CRADD: variants seen among roughly 807,000 people sequenced by gnomAD.
The protein encoded by CRADD is CARD and death domain containing adaptor protein, also known as death domain-containing protein CRADD.
CRADD carries 9 observed loss-of-function variants against 15.5 expected under a neutral mutation model. That is an observed-to-expected ratio of 0.58 (90% CI 0.35 to 1.01). The LOEUF (loss-of-function observed/expected upper bound fraction) is 1.01. Ranked by LOEUF, CRADD falls within the 50% of genes least tolerant of loss-of-function variation. The pLI, the probability that CRADD is intolerant of heterozygous loss-of-function variation, is 0.02. For missense variants in CRADD, 227 were observed against 250.3 expected, an observed-to-expected ratio of 0.91 and a Z score of 0.63; for synonymous variants, 118 against 107.6, an observed-to-expected ratio of 1.10 and a Z score of -0.60.
At chr12:93,767,788 C>T (rs942066604) in intron 2 of CRADD, among the ~76,000 whole-genome samples, 1 of 152,176 alleles carries the variant, frequency 6.6e-6, no homozygotes, top group African/African-American at 2.4e-5. Context: ...AGCAGTATAC[C>T]ACAGAATGCT....
intron 2 of CRADD, among the ~76,000 whole-genome samples, chr12:93,701,653 GA>G (rs764909525): frequency 6.6e-5 from 10 of 152,228 alleles, no homozygotes; most frequent in Admixed American, 3.3e-4. Context: ...TTACTGCTTT[GA>G]AGATTCCAAA....
At chr12:93,758,248 A>G (rs946331219) in intron 2 of CRADD, among the ~76,000 whole-genome samples, 3 of 152,344 alleles carry the variant, frequency 2.0e-5, no homozygotes, top group Non-Finnish European at 2.9e-5. Flanking sequence ...TTTAGAATCT[A>G]TTCCAAAGAT....
chr12:93,711,732 A>T (rs191217365), intron 2 of CRADD, among the ~76,000 whole-genome samples: 13 of 146,602 alleles, frequency 8.9e-5, no homozygotes, highest in Non-Finnish European at 1.9e-4. Context: ...GACCTCATAA[A>T]AACCTTTTGT....
intron 2 of CRADD, among the ~76,000 whole-genome samples, chr12:93,758,701 T>C (rs1224489545): frequency 6.6e-6 from 1 of 152,144 alleles, no homozygotes; most frequent in Non-Finnish European, 1.5e-5. Context: ...GCTTTGTTAT[T>C]AGCTTGATTT....
chr12:93,689,816 G>T (rs1444593881), intron 2 of CRADD, among the ~76,000 whole-genome samples: 1 of 152,204 alleles, frequency 6.6e-6, no homozygotes, highest in East Asian at 1.9e-4. Context: ...AGTAGTAATG[G>T]TGAAGTTGCT....
chr12:93,846,232 T>A (rs1472372084), intron 2 of CRADD, among the ~76,000 whole-genome samples: 3 of 152,228 alleles, frequency 2.0e-5, no homozygotes, highest in Non-Finnish European at 4.4e-5. Flanking sequence ...ATAACGCTGC[T>A]ATGAACATAG....
downstream of CRADD, among the ~76,000 whole-genome samples, chr12:93,854,826 C>T (rs1054354433): frequency 2.0e-5 from 3 of 152,166 alleles, no homozygotes; most frequent in South Asian, 2.1e-4. Flanking sequence ...GAAGTGGAAT[C>T]GCCGGGCTTA....
chr12:93,839,070 G>A (rs1043264943), intron 2 of CRADD, among the ~76,000 whole-genome samples: 6 of 152,008 alleles, frequency 3.9e-5, no homozygotes, highest in Admixed American at 1.3e-4. Flanking sequence ...ATGGGTGCCC[G>A]GCCTGGACAT....
chr12:93,762,760 C>CT (rs35217103), intron 2 of CRADD, among the ~76,000 whole-genome samples: 73 of 147,904 alleles, frequency 4.9e-4, no homozygotes, highest in East Asian at 1.6e-3. Context: ...CAGTATCAAA[C>CT]TTTTTTTTTT....
intron 2 of CRADD, among the ~76,000 whole-genome samples, chr12:93,692,438 C>CA (rs991371414): frequency 6.6e-6 from 1 of 151,924 alleles, no homozygotes; most frequent in African/African-American, 2.4e-5. Context: ...ATTAAACTGT[C>CA]AAAAAACAAA....
At chr12:93,826,142 C>G (rs930904478) in intron 2 of CRADD, among the ~76,000 whole-genome samples, 5 of 152,216 alleles carry the variant, frequency 3.3e-5, no homozygotes, top group Non-Finnish European at 5.9e-5. Context: ...ATCTGTTGCA[C>G]AGATTTTTAA....
At chr12:93,812,418 T>C (rs1957638628) in intron 2 of CRADD, among the ~76,000 whole-genome samples, 1 of 151,736 alleles carries the variant, frequency 6.6e-6, no homozygotes, top group Non-Finnish European at 1.5e-5. Context: ...AAAAAATTCA[T>C]AATCCTAGCA....
intron 2 of CRADD, among the ~76,000 whole-genome samples, chr12:93,692,746 A>G (rs1244436696): frequency 6.6e-6 from 1 of 152,210 alleles, no homozygotes; most frequent in Non-Finnish European, 1.5e-5. Context: ...AGTGGAAAGA[A>G]ATGGAAGGTT....
chr12:93,692,599 A>T (rs1392467485), intron 2 of CRADD, among the ~76,000 whole-genome samples: 2 of 152,190 alleles, frequency 1.3e-5, no homozygotes, highest in Non-Finnish European at 2.9e-5. Flanking sequence ...GGAAAAAAAA[A>T]ATTGCTAACA....
intron 2 of CRADD, among the ~76,000 whole-genome samples, chr12:93,756,301 T>A (rs930203656): frequency 6.6e-6 from 1 of 152,214 alleles, no homozygotes; most frequent in East Asian, 1.9e-4. Flanking sequence ...TGTTAGTGAA[T>A]GTTGGGAATG....
At chr12:93,753,296 T>C (rs1249395732) in intron 2 of CRADD, among the ~76,000 whole-genome samples, 2 of 152,158 alleles carry the variant, frequency 1.3e-5, no homozygotes, top group Admixed American at 1.3e-4. Context: ...TCCCATTACA[T>C]GTGAGGATTA....
At chr12:93,710,189 C>G (rs1261086914) in intron 2 of CRADD, among the ~76,000 whole-genome samples, 1 of 152,088 alleles carries the variant, frequency 6.6e-6, no homozygotes, top group African/African-American at 2.4e-5. Context: ...CCCAAGAAAG[C>G]TTTACTCTCA....
intron 2 of CRADD, among the ~76,000 whole-genome samples, chr12:93,792,557 C>G (rs1405136090): frequency 2.0e-5 from 3 of 152,104 alleles, no homozygotes; most frequent in Admixed American, 1.3e-4. Flanking sequence ...TCAGGTTGTC[C>G]TCTCTCAGAA....
At chr12:93,838,474 G>A (rs1352145485) in intron 2 of CRADD, among the ~76,000 whole-genome samples, 4 of 151,736 alleles carry the variant, frequency 2.6e-5, no homozygotes, top group African/African-American at 9.7e-5. Flanking sequence ...CCGTGAGACA[G>A]CTGGGTTCAG....
Sources: gnomAD v4.1 joint callset for allele counts (sites outside exome capture counted in the v4.1 genomes callset) on GRCh38, gnomAD v4.1.1 for gene constraint, MANE v1.5 for transcripts, NCBI Gene and HGNC (gene_info 2026-07-23, HGNC 2026-07-21) for gene names.